Variants in WDFY2 observed in about 807,000 individuals in gnomAD.
WDFY2 encodes WD repeat and FYVE domain-containing protein 2.
WDFY2 carries 36 observed loss-of-function variants against 56.4 expected under a neutral mutation model. The observed-to-expected ratio is 0.64, with a 90% CI of 0.49 to 0.84. WDFY2 has a LOEUF of 0.84. WDFY2 is among the 40% of genes least tolerant of loss of function. The probability of loss-of-function intolerance (pLI) is 0.00; values close to 1 mark genes in which losing one functional copy is unlikely to be tolerated. For synonymous variants in WDFY2, 176 were observed against 183.7 expected (o/e 0.96, Z 0.34); for missense variants, 444 against 512.2 (o/e 0.87, Z 1.29).
At chr13:51,693,713 G>C (rs1278546560) in intron 3 of WDFY2, among the ~76,000 whole-genome samples, 1 of 151,438 alleles carries the variant, frequency 6.6e-6, no homozygotes, top group East Asian at 1.9e-4. Context: ...TTGGTGCAGA[G>C]CTGAGTTCAA....
At chr13:51,666,018 C>T (rs1476593742) in intron 2 of WDFY2, among the ~76,000 whole-genome samples, 1 of 152,114 alleles carries the variant, frequency 6.6e-6, no homozygotes, top group African/African-American at 2.4e-5. Flanking sequence ...GTGGTTGGGC[C>T]GCTCAGTTTT....
At chr13:51,667,321 G>A (rs370338334) in intron 2 of WDFY2, among the ~76,000 whole-genome samples, 3 of 152,296 alleles carry the variant, frequency 2.0e-5, no homozygotes, top group East Asian at 3.9e-4. Context: ...GGAAAATTAA[G>A]TTGATTAATG....
At chr13:51,665,984 G>T (rs1284239205) in intron 2 of WDFY2, among the ~76,000 whole-genome samples, 3 of 152,186 alleles carry the variant, frequency 2.0e-5, no homozygotes, top group Non-Finnish European at 4.4e-5. Context: ...GGCCTGGTGG[G>T]ATGGCATTTA....
intron 1 of WDFY2, among the ~76,000 whole-genome samples, chr13:51,646,980 A>G (rs1955273991): frequency 6.6e-6 from 1 of 152,232 alleles, no homozygotes; most frequent in African/African-American, 2.4e-5. Flanking sequence ...CTGAATGCGT[A>G]TAGACTTTTT....
intron 4 of WDFY2, among the ~76,000 whole-genome samples, chr13:51,712,796 C>T (rs996269066): frequency 4.0e-5 from 6 of 149,824 alleles, no homozygotes; most frequent in African/African-American, 1.2e-4. Context: ...AGTGAAGTGA[C>T]ATTACTACAG....
At chr13:51,615,947 G>A (rs1439697821) in intron 1 of WDFY2, among the ~76,000 whole-genome samples, 2 of 152,124 alleles carry the variant, frequency 1.3e-5, no homozygotes, top group Non-Finnish European at 2.9e-5. Context: ...CAGAATATTC[G>A]AAAATAAAAG....
chr13:51,595,037 C>T (rs898702776), intron 1 of WDFY2, among the ~76,000 whole-genome samples: 2 of 152,032 alleles, frequency 1.3e-5, no homozygotes, highest in African/African-American at 2.4e-5. Context: ...TATAGAAGGG[C>T]GAGGTTAACT....
At chr13:51,684,003 T>C (rs761050807) in intron 3 of WDFY2, among the ~76,000 whole-genome samples, 37 of 152,218 alleles carry the variant, frequency 2.4e-4, no homozygotes, top group Admixed American at 5.2e-4. Flanking sequence ...CACACCTCAC[T>C]CTCCTGCAGC....
chr13:51,607,029 C>G (rs1954396302), intron 1 of WDFY2, among the ~76,000 whole-genome samples: 1 of 152,162 alleles, frequency 6.6e-6, no homozygotes. Flanking sequence ...AAAATAACCT[C>G]TAGCAGCCAA....
chr13:51,648,207 G>C (rs1378130411), intron 1 of WDFY2, among the ~76,000 whole-genome samples: 3 of 152,178 alleles, frequency 2.0e-5, no homozygotes, highest in African/African-American at 4.8e-5. Flanking sequence ...TAGGAAATAA[G>C]GGCTGGAGCT....
chr13:51,622,023 G>A (rs148880464), intron 1 of WDFY2, among the ~76,000 whole-genome samples: 1 of 152,276 alleles, frequency 6.6e-6, no homozygotes, highest in African/African-American at 2.4e-5. Context: ...AGAGAGAAGG[G>A]AGGCGGGAAA....
Position 51,758,204 on chromosome 13 carries a change from A to T in WDFY2, c.1077A>T (p.Thr359=), listed in dbSNP as rs776446892. 3.2e-6 allele frequency: 5 copies of T among 1,576,884 alleles called. No homozygotes were observed. The highest frequency in any genetic ancestry group is 1.7e-4 in the Middle Eastern group (1 of 5,930). ...TTGCTCCTTCTAGACGTGCACCCAC[A>T]GCCACCTTCCATGACAGTAAACATA... The part of the protein sequence containing the change: ...EAITDEERAP[T]ATFHDSKHNI... The change falls in exon 11 of 12, where the codon ACA becomes ACT. Residue 359 remains threonine, a synonymous_variant. Transcript: ENST00000298125.
intron 1 of WDFY2, among the ~76,000 whole-genome samples, chr13:51,642,720 C>T (rs1414539370): frequency 2.5e-5 from 3 of 120,944 alleles, no homozygotes; most frequent in African/African-American, 9.6e-5. Context: ...CTCACTCTGT[C>T]GCCAGGCTGA....
rs1341095937 is a variant in WDFY2 at position 51,758,243 on chromosome 13, G to A, written c.1116G>A (p.Val372=). Residue 372 remains valine (V), a synonymous_variant, in exon 11 of 12, where the codon GTG becomes GTA. Transcript: ENST00000298125. ...ACAGTAAACATAACATTGTGCATGT[G>A]CATTTCGATGCAACCAGAGGATGGT... is the stretch of plus-strand genomic sequence containing the variant. ...FHDSKHNIVH[V]HFDATRGWLL... 1 of 1,602,126 alleles carries A rather than the reference G, an allele frequency of 6.2e-7. No homozygotes were observed. Among genetic ancestry groups the A allele is most frequent in the Non-Finnish European group, 8.5e-7 (1 of 1,170,686 alleles).
At position 51,719,306 on chromosome 13, in the gene WDFY2, G is replaced by T; in HGVS notation, c.443G>T (p.Arg148Leu). 2 of 1,613,004 alleles carry T rather than the reference G, an allele frequency of 1.2e-6. No homozygotes were observed. Among genetic ancestry groups the T allele is most frequent in the East Asian group, 4.5e-5 (2 of 44,882 alleles). Reference protein sequence around the residue: ...FAWHCSESGQRLGGYRTSAVA... With the variant: ...FAWHCSESGQLLGGYRTSAVA... The stretch of plus-strand genomic sequence containing the variant: ...TGGCACTGCTCTGAGAGTGGGCAGC[G>T]CCTGGGAGGTTATCGGACCAGTGCT... The change falls in exon 5 of 12, where the codon CGC becomes CTC. Residue 148 changes from arginine to leucine, a missense_variant. By Grantham distance (102) the Arg-to-Leu change is moderately radical. Coordinates refer to ENST00000298125, the MANE Select transcript of WDFY2 (RefSeq NM_052950.4).
At chr13:51,746,530 G>A (rs565700976) in intron 7 of WDFY2, among the ~76,000 whole-genome samples, 4 of 152,178 alleles carry the variant, frequency 2.6e-5, no homozygotes, top group Non-Finnish European at 5.9e-5. Context: ...TCTCACACAT[G>A]ACACTCCAGG....
chr13:51,656,445 C>A (rs1037059745), intron 1 of WDFY2, among the ~76,000 whole-genome samples: 1 of 151,952 alleles, frequency 6.6e-6, no homozygotes, highest in Admixed American at 6.6e-5. Flanking sequence ...ATGTGTACTT[C>A]AGAAAAACAT....
intron 1 of WDFY2, among the ~76,000 whole-genome samples, chr13:51,629,008 G>C (rs1283962054): frequency 6.6e-6 from 1 of 152,206 alleles, no homozygotes; most frequent in Non-Finnish European, 1.5e-5. Flanking sequence ...AGTTTGAATA[G>C]ATTATTTCTT....
chr13:51,675,101 A>T, intron 2 of WDFY2, 69 bp from the exon 3 acceptor site: 1 of 1,415,574 alleles, frequency 7.1e-7, no homozygotes, highest in Non-Finnish European at 1.0e-6. Flanking sequence ...ACTTTTAGCT[A>T]GTTAGGCACT....
Sources: allele counts gnomAD v4.1 joint callset (sites outside exome capture counted in the v4.1 genomes callset), GRCh38; gene constraint gnomAD v4.1.1; transcripts MANE v1.5; gene names NCBI Gene and HGNC (gene_info 2026-07-23, HGNC 2026-07-21).